Variants in TBC1D31 observed in about 807,000 individuals in gnomAD.
TBC1D31 encodes TBC1 domain family member 31.
Under a neutral mutation model 132.9 loss-of-function variants are expected in TBC1D31, and 99 were observed. The ratio of observed to expected loss-of-function variants is 0.74; its 90% CI spans 0.63 to 0.88. The LOEUF (loss-of-function observed/expected upper bound fraction) is 0.88, where lower values mean the gene tolerates loss of function less well. Ranked by LOEUF, TBC1D31 falls within the 40% of genes least tolerant of loss-of-function variation. The pLI is 0.00. For synonymous variants in TBC1D31, 385 were observed against 419.4 expected (o/e 0.92, Z 1.00); for missense variants, 1,134 against 1,256.6 (o/e 0.90, Z 1.48).
intron 4 of TBC1D31, among the ~76,000 whole-genome samples, chr8:123,085,269 C>G (rs887925757): frequency 6.6e-6 from 1 of 152,178 alleles, no homozygotes; most frequent in Non-Finnish European, 1.5e-5. Context: ...GTAACCTATG[C>G]AGCTGTAGCA....
At chr8:123,094,186 T>C (rs576411916) in intron 5 of TBC1D31, among the ~76,000 whole-genome samples, 1 of 152,210 alleles carries the variant, frequency 6.6e-6, no homozygotes, top group Non-Finnish European at 1.5e-5. Context: ...TGCCTCAGCC[T>C]CCCGAGTAGC....
intron 10 of TBC1D31, among the ~76,000 whole-genome samples, chr8:123,117,296 A>G (rs1819012754): frequency 6.6e-6 from 1 of 151,968 alleles, no homozygotes; most frequent in Non-Finnish European, 1.5e-5. Context: ...CCTGGGTGAA[A>G]GAGTGAGACT....
rs1820327282 is a variant in TBC1D31 at position 123,128,658 on chromosome 8, C to G, written c.2117+145C>G. 4.8e-6 allele frequency: 3 copies of G among 630,502 alleles called. 1 individual carries two copies. The highest frequency in any genetic ancestry group is 3.0e-5 in the Admixed American group (1 of 33,044). The allele number at this position is 630,502 out of a possible 1,614,324, so 39.1% of individuals were successfully genotyped here. A position where few individuals can be genotyped will look rare whatever the true frequency, so the allele number is the denominator to read the frequency against. Reference sequence around the variant, plus strand: ...TTGGGAGGCCAAGGCAGGTAGATCACAAGGTCAGGAGTTCGAGACCAGCCT... The same window carrying G: ...TTGGGAGGCCAAGGCAGGTAGATCAGAAGGTCAGGAGTTCGAGACCAGCCT... On this transcript the variant is annotated intron_variant, in intron 14 of 21. Transcript: ENST00000287380.
intron 2 of TBC1D31, among the ~76,000 whole-genome samples, chr8:123,078,849 C>CA (rs1814823993): frequency 6.6e-6 from 1 of 151,796 alleles, no homozygotes; most frequent in African/African-American, 2.4e-5. Flanking sequence ...AAGTACCCCC[C>CA]CACAAAATAC....
intron 7 of TBC1D31, chr8:123,102,421 A>G (rs1028028730): frequency 3.0e-5 from 11 of 360,818 alleles, no homozygotes; most frequent in Non-Finnish European, 3.8e-5. Context: ...AAAAAATTAT[A>G]CAAGTAGTGT....
chr8:123,126,384 T>C, intron 12 of TBC1D31, 124 bp from the exon 13 acceptor site: 1 of 1,177,418 alleles, frequency 8.5e-7, no homozygotes, highest in Non-Finnish European at 1.2e-6. Context: ...TTAAGGTAGT[T>C]ATTTTCATAA....
chr8:123,126,172 C>G lies in TBC1D31; in HGVS notation c.1687C>G (p.His563Asp), dbSNP rs1820008838. Residue 563 changes from histidine (H) to aspartate (D), a missense_variant, in exon 12 of 22, where the codon CAT becomes GAT. Transcript: ENST00000287380. The stretch of plus-strand genomic sequence containing the variant: ...GGAACTGCTGCAACACTTCATAGAT[C>G]ATGATATAACCTCCCAGGTAAGAAG... The part of the protein sequence containing the change: ...DKELLQHFID[H>D]DITSQLYAWP... 1.9e-6 allele frequency: 3 copies of G among 1,608,930 alleles called. No individual in the cohort carries two copies. Among genetic ancestry groups the G allele is most frequent in the Non-Finnish European group, 2.5e-6 (3 of 1,178,272 alleles).
At chr8:123,137,283 A>C (rs1821187120) in intron 17 of TBC1D31, among the ~76,000 whole-genome samples, 1 of 152,192 alleles carries the variant, frequency 6.6e-6, no homozygotes, top group African/African-American at 2.4e-5. Flanking sequence ...CCAGTCTTGC[A>C]AAGATTGCTA....
chr8:123,102,323 A>G (rs1817511556), intron 7 of TBC1D31: 1 of 452,902 alleles, frequency 2.2e-6, no homozygotes, highest in Non-Finnish European at 4.4e-6. Flanking sequence ...CCAAGATTAC[A>G]TGAGATTGGG....
chr8:123,082,077 C>G (rs538912443), intron 2 of TBC1D31, among the ~76,000 whole-genome samples: 2 of 152,318 alleles, frequency 1.3e-5, no homozygotes, highest in South Asian at 2.1e-4. Context: ...ATGAGTTTCA[C>G]AAGGGCCTTA....
At chr8:123,164,608 G>T in the TBC1D31 span, among the ~76,000 whole-genome samples, 1 of 152,046 alleles carries the variant, frequency 6.6e-6, no homozygotes, top group Non-Finnish European at 1.5e-5. Context: ...TGTAATCCTA[G>T]CTACTCAGGA....
intron 4 of TBC1D31, among the ~76,000 whole-genome samples, chr8:123,089,338 T>A (rs1224442263): frequency 1.3e-5 from 2 of 152,194 alleles, no homozygotes. Flanking sequence ...CAGTGCTGGT[T>A]GTATAGTAAG....
At chr8:123,101,102 C>T (rs761756767) in intron 7 of TBC1D31, 95 bp downstream of exon 7, 3 of 944,054 alleles carry the variant, frequency 3.2e-6, no homozygotes, top group Non-Finnish European at 4.8e-6. Context: ...TTCTAACTTA[C>T]CTGGAACTTA....
intron 16 of TBC1D31, among the ~76,000 whole-genome samples, chr8:123,132,622 C>G (rs1483041699): frequency 1.3e-5 from 2 of 151,886 alleles, no homozygotes; most frequent in Non-Finnish European, 2.9e-5. Flanking sequence ...CCATGTTGGT[C>G]AGGCTGATCT....
At chr8:123,148,404 G>A (rs1219544420) in intron 20 of TBC1D31, among the ~76,000 whole-genome samples, 1 of 152,146 alleles carries the variant, frequency 6.6e-6, no homozygotes, top group Admixed American at 6.5e-5. Flanking sequence ...TTGAACAGGA[G>A]TGGGCAGGTT....
intron 7 of TBC1D31, chr8:123,104,054 A>C (rs1817695873): frequency 6.6e-6 from 1 of 152,172 alleles, no homozygotes; most frequent in African/African-American, 2.4e-5. Context: ...TAAGTGTTGA[A>C]GGTTTAACAC....
At chr8:123,117,752 C>CAAAAA (rs71310657) in intron 10 of TBC1D31, among the ~76,000 whole-genome samples, 8 of 89,932 alleles carry the variant, frequency 8.9e-5, no homozygotes, top group East Asian at 3.8e-4. Context: ...AACTCCGTCT[C>CAAAAA]AAAAAAAAAA....
chr8:123,144,872 C>T lies in TBC1D31; in HGVS notation c.2974+17C>T, dbSNP rs889052080. The T allele has an allele frequency of 3.1e-6, 5 of 1,596,162 alleles. No individual in the cohort carries two copies. The African/African-American group carries it at 5.4e-5, about 17-fold the overall frequency. On this transcript the variant is annotated intron_variant, in intron 20 of 21. Transcript: ENST00000287380. ...GTCATAAAGGTGAGTGTCTGAGAGG[C>T]CTTTCTCTCCATGATGTTACAGATT...
At chr8:123,125,136 T>C (rs1264826873) in intron 11 of TBC1D31, among the ~76,000 whole-genome samples, 1 of 152,192 alleles carries the variant, frequency 6.6e-6, no homozygotes, top group African/African-American at 2.4e-5. Context: ...AGCCTTCTTT[T>C]GCTATTTTGA....
Sources: allele counts gnomAD v4.1 joint callset (sites outside exome capture counted in the v4.1 genomes callset), GRCh38; gene constraint gnomAD v4.1.1; transcripts MANE v1.5; gene names NCBI Gene and HGNC (gene_info 2026-07-23, HGNC 2026-07-21).